The following ICA1L variants were observed in gnomAD, a reference collection of about 807,000 sequenced individuals.
ICA1L encodes the protein islet cell autoantigen 1 like, also known as islet cell autoantigen 1-like protein.
A neutral mutation model predicts 61.3 loss-of-function variants in ICA1L; 50 were observed. The ratio of observed to expected loss-of-function variants is 0.82; its 90% CI spans 0.65 to 1.03. The LOEUF is 1.03. Ranked by LOEUF, ICA1L falls within the 50% of genes least tolerant of loss-of-function variation. The pLI is 0.00. For missense variants in ICA1L, 508 were observed against 556.7 expected, an observed-to-expected ratio of 0.91 and a Z score of 0.88; for synonymous variants, 161 against 191.3, an observed-to-expected ratio of 0.84 and a Z score of 1.31.
intron 4 of ICA1L, chr2:202,820,123 T>G (rs1256039866): frequency 2.1e-6 from 1 of 481,218 alleles, no homozygotes; most frequent in East Asian, 3.9e-5. Context: ...CTTGTAATCC[T>G]AGCACTTTGG....
Position 202,779,333 on chromosome 2 carries a change from C to T in ICA1L, c.*200G>A. Reference sequence around the variant, plus strand: ...GTTTCTAATATTTTCCACATAGTACCAACAGCTGCAAATCCAAGATATGAA... The same window carrying T: ...GTTTCTAATATTTTCCACATAGTACTAACAGCTGCAAATCCAAGATATGAA... On this transcript the variant is annotated 3_prime_UTR_variant, in exon 13 of 13. Coordinates refer to ENST00000358299, the MANE Select transcript of ICA1L (RefSeq NM_001288622.3). The T allele has an allele frequency of 2.3e-6, 1 of 435,656 alleles. No homozygotes were observed. The highest frequency in any genetic ancestry group is 4.0e-6 in the Non-Finnish European group (1 of 248,290). The allele number at this position is 435,656 out of a possible 1,614,324, so 27.0% of individuals were successfully genotyped here. A position where few individuals can be genotyped will look rare whatever the true frequency, so the allele number is the denominator to read the frequency against.
Position 202,787,032 on chromosome 2 carries a change from A to G in ICA1L, c.1244-1025T>C, listed in dbSNP as rs976783770. On this transcript the variant is annotated intron_variant, in intron 11 of 12. Coordinates refer to ENST00000358299, the MANE Select transcript of ICA1L (RefSeq NM_001288622.3). ...TGTAGACAGGGTTCCTCAAACACAG[A>G]TCTTTTAATTCCCAGGGAAGCTCCC... 3.9e-5 allele frequency among the ~76,000 whole-genome samples: 6 copies of G among 152,318 alleles called. No individual in the cohort carries two copies. In the East Asian group the frequency reaches 1.2e-3, roughly 29 times the overall value.
At chr2:202,830,712 A>T (rs764782003) in intron 1 of ICA1L, among the ~76,000 whole-genome samples, 46 of 152,230 alleles carry the variant, frequency 3.0e-4, no homozygotes, top group Admixed American at 5.9e-4. Flanking sequence ...ATTACTAATT[A>T]AATAAAAATA....
At position 202,779,085 on chromosome 2, in the gene ICA1L, C is replaced by T. The variant is rs1479121554; in HGVS notation, c.*448G>A. The T allele has an allele frequency of 6.5e-6, 1 of 153,044 alleles. No homozygotes were observed. Among genetic ancestry groups the T allele is most frequent in the African/African-American group, 2.4e-5 (1 of 41,486 alleles). The allele number at this position is 153,044 out of a possible 1,614,324, so 9.5% of individuals were successfully genotyped here. On this transcript the variant is annotated 3_prime_UTR_variant, in exon 13 of 13. Coordinates refer to ENST00000358299, the MANE Select transcript of ICA1L (RefSeq NM_001288622.3). ...CAGAAAATCCTCCTCGCTACTATTT[C>T]ATTTAAAAACTGACCCCAAACCACA...
intron 10 of ICA1L, among the ~76,000 whole-genome samples, chr2:202,795,991 C>T (rs559544924): frequency 1.3e-5 from 2 of 150,662 alleles, no homozygotes; most frequent in African/African-American, 4.9e-5. Flanking sequence ...TGCAGTGAGC[C>T]AAAATCGTGC....
In ICA1L at chr2:202,852,671, C is replaced by CAA. The variant is rs574400027; in HGVS notation, c.-8+18946_-8+18947dup. On this transcript the variant is annotated intron_variant, in intron 1 of 12. Coordinates refer to ENST00000358299, the MANE Select transcript of ICA1L (RefSeq NM_001288622.3). ...TGGGTGACAGAGCGAGACTCTGTCT[C>CAA]AAAAAAAAAAAAAAAAAAAAAAAAA... Among the ~76,000 whole-genome samples the CAA allele has an allele frequency of 5.2e-3, 217 of 41,852 alleles. 4 individuals carry two copies. The highest frequency in any genetic ancestry group is 0.016 in the African/African-American group (116 of 7,478). The allele number at this position is 41,852 out of a possible 152,430, so 27.5% of individuals were successfully genotyped here.
rs375190040 is a variant in ICA1L at position 202,819,914 on chromosome 2, G to T, written c.360-15C>A. ...ACAGGGCCAATCTAATGGCAGAGAGGTAAAAATCAGAGGGTTGAACACATC... is the reference window on the plus strand; with the variant it reads ...ACAGGGCCAATCTAATGGCAGAGAGTTAAAAATCAGAGGGTTGAACACATC... On this transcript the variant is annotated splice_polypyrimidine_tract_variant and intron_variant, in intron 4 of 12. Transcript: ENST00000358299. 1.2e-6 allele frequency: 2 copies of T among 1,601,248 alleles called. No homozygotes were observed. The highest frequency in any genetic ancestry group is 1.3e-5 in the African/African-American group (1 of 74,654).
intron 3 of ICA1L, among the ~76,000 whole-genome samples, chr2:202,824,069 G>T (rs528164222): frequency 1.3e-5 from 2 of 152,238 alleles, no homozygotes; most frequent in East Asian, 3.9e-4. Flanking sequence ...CTACATGCTA[G>T]ACATTGTTTC....
chr2:202,844,444 G>A (rs1694413902), intron 1 of ICA1L: 1 of 152,136 alleles, frequency 6.6e-6, no homozygotes, highest in South Asian at 2.1e-4. Context: ...AGTAGCAGCT[G>A]GAGGCCAACA....
At chr2:202,799,967 T>C (rs550631947) in intron 9 of ICA1L, among the ~76,000 whole-genome samples, 90 of 150,730 alleles carry the variant, frequency 6.0e-4, no homozygotes, top group Non-Finnish European at 9.7e-4. Context: ...ATTCTCCGCC[T>C]CCCAGGTTTA....
intron 9 of ICA1L, 81 bp downstream of exon 9, chr2:202,811,659 CAAAAAA>C: frequency 1.7e-4 from 83 of 480,384 alleles, no homozygotes; most frequent in African/African-American, 1.8e-4. Flanking sequence ...AAGACTGTCT[CAAAAAA>C]AAAAAAAAAA....
At chr2:202,867,153 A>G (rs1395320378) in intron 1 of ICA1L, among the ~76,000 whole-genome samples, 1 of 152,258 alleles carries the variant, frequency 6.6e-6, no homozygotes, top group African/African-American at 2.4e-5. Context: ...ACATATGAAC[A>G]GACCCGTGTT....
intron 1 of ICA1L, among the ~76,000 whole-genome samples, chr2:202,832,742 G>A (rs1189725573): frequency 6.6e-6 from 1 of 152,034 alleles, no homozygotes; most frequent in Non-Finnish European, 1.5e-5. Flanking sequence ...TTATGCCACT[G>A]CACTCCTGCC....
chr2:202,775,626 C>G lies in ICA1L; in HGVS notation c.*3907G>C, dbSNP rs1246260491. 1 of 152,298 alleles carries G rather than the reference C, an allele frequency of 6.6e-6. No homozygotes were observed. Among genetic ancestry groups the G allele is most frequent in the Non-Finnish European group, 1.5e-5 (1 of 68,108 alleles). The allele number at this position is 152,298 out of a possible 1,614,324, so 9.4% of individuals were successfully genotyped here. A position where few individuals can be genotyped will look rare whatever the true frequency, so the allele number is the denominator to read the frequency against. On this transcript the variant is annotated 3_prime_UTR_variant, in exon 13 of 13. Coordinates refer to ENST00000358299, the MANE Select transcript of ICA1L (RefSeq NM_001288622.3). ...CTCCACCTCCCGGGTTCAAGCGATT[C>G]TCCTGCCTCAGCCTCCCAAGTAGCT...
chr2:202,862,240 T>A, intron 1 of ICA1L, among the ~76,000 whole-genome samples: 1 of 125,186 alleles, frequency 8.0e-6, no homozygotes. Flanking sequence ...GTTTGAGACC[T>A]GTCTGAGCAA....
At chr2:202,869,130 C>T (rs1316212756) in intron 1 of ICA1L, among the ~76,000 whole-genome samples, 4 of 152,044 alleles carry the variant, frequency 2.6e-5, no homozygotes, top group African/African-American at 9.7e-5. Context: ...GAGGCTGAGG[C>T]GGGCGGATCA....
rs1406468996 is a variant in ICA1L at position 202,773,736 on chromosome 2, A to C, written c.*5797T>G. 1 of 1,247,334 alleles carries C rather than the reference A, an allele frequency of 8.0e-7. No individual in the cohort carries two copies. The highest frequency in any genetic ancestry group is 1.5e-5 in the African/African-American group (1 of 67,800). 77.3% of individuals were successfully genotyped at this position (1,247,334 alleles called of 1,614,324 possible). A position where few individuals can be genotyped will look rare whatever the true frequency, so the allele number is the denominator to read the frequency against. ...CTAGTTGCATCAGTTATGCATGAAG[A>C]GTTTAATAACCATCCAGGTCCAAAG... is the stretch of plus-strand genomic sequence containing the variant. On this transcript the variant is annotated 3_prime_UTR_variant, in exon 13 of 13. Coordinates refer to ENST00000358299, the MANE Select transcript of ICA1L (RefSeq NM_001288622.3).
chr2:202,870,826 C>T (rs1687682262), intron 1 of ICA1L: 1 of 152,280 alleles, frequency 6.6e-6, no homozygotes, highest in Non-Finnish European at 1.5e-5. Flanking sequence ...TCCACCCCCT[C>T]TACTGGCAAC....
chr2:202,839,564 G>C (rs1165408445), intron 1 of ICA1L, among the ~76,000 whole-genome samples: 1 of 6,860 alleles, frequency 1.5e-4, no homozygotes, highest in African/African-American at 1.8e-4. Flanking sequence ...AAGTCTGTGT[G>C]TGTGTGTGTG....
Sources: allele counts gnomAD v4.1 joint callset (sites outside exome capture counted in the v4.1 genomes callset), GRCh38; gene constraint gnomAD v4.1.1; transcripts MANE v1.5; gene names NCBI Gene and HGNC (gene_info 2026-07-23, HGNC 2026-07-21).